The following NTM variants were observed in gnomAD, a reference collection of about 807,000 sequenced individuals.
NTM encodes the protein IgLON family member 2.
A neutral mutation model predicts 42.1 loss-of-function variants in NTM; 13 were observed. The ratio of observed to expected loss-of-function variants is 0.31; its 90% CI spans 0.20 to 0.49. NTM has a LOEUF of 0.49. Among genes scored for constraint, NTM ranks in the 20% least tolerant of loss-of-function variants. NTM has a pLI of 0.99. For missense variants in NTM, 373 were observed against 452.8 expected (o/e 0.82, Z 1.60); for synonymous variants, 187 against 179.2 (o/e 1.04, Z -0.35).
intron 1 of NTM, among the ~76,000 whole-genome samples, chr11:131,813,453 G>A (rs922349511): frequency 1.4e-4 from 21 of 152,110 alleles, no homozygotes; most frequent in African/African-American, 4.6e-4. Context: ...ATCATAGATG[G>A]AGCTCCTGTA....
intron 2 of NTM, among the ~76,000 whole-genome samples, chr11:132,088,112 A>G (rs930409037): frequency 5.9e-5 from 9 of 152,334 alleles, no homozygotes; most frequent in African/African-American, 2.2e-4. Context: ...GGCCATTGGG[A>G]TGGTGGTGGA....
intron 1 of NTM, among the ~76,000 whole-genome samples, chr11:131,381,874 G>T (rs774397505): frequency 9.2e-5 from 14 of 152,142 alleles, no homozygotes; most frequent in Non-Finnish European, 1.9e-4. Context: ...TCAGAATAGG[G>T]CAAGTTCATC....
intron 1 of NTM, among the ~76,000 whole-genome samples, chr11:131,560,839 A>C (rs1024933097): frequency 6.6e-6 from 1 of 152,156 alleles, no homozygotes; most frequent in African/African-American, 2.4e-5. Flanking sequence ...ACTACTCATA[A>C]ATATGAAGTT....
intron 1 of NTM, among the ~76,000 whole-genome samples, chr11:131,765,125 C>T (rs933536648): frequency 6.6e-6 from 1 of 152,124 alleles, no homozygotes; most frequent in African/African-American, 2.4e-5. Context: ...GTATGAGAGC[C>T]GTCCTCCTGG....
At chr11:131,649,820 T>C (rs1462122677) in intron 1 of NTM, among the ~76,000 whole-genome samples, 1 of 152,184 alleles carries the variant, frequency 6.6e-6, no homozygotes, top group African/African-American at 2.4e-5. Flanking sequence ...TGAACACTTC[T>C]TGTATGCTAG....
intron 2 of NTM, among the ~76,000 whole-genome samples, chr11:131,952,488 TG>T (rs1462048641): frequency 6.6e-6 from 1 of 152,238 alleles, no homozygotes; most frequent in Non-Finnish European, 1.5e-5. Flanking sequence ...TACATACTTA[TG>T]GGCATTTTAA....
intron 2 of NTM, among the ~76,000 whole-genome samples, chr11:132,088,740 G>A (rs2060042056): frequency 6.6e-6 from 1 of 152,190 alleles, no homozygotes. Context: ...CCATGGGCAT[G>A]TTTAGGCAAG....
intron 2 of NTM, among the ~76,000 whole-genome samples, chr11:131,965,822 C>G (rs1269971099): frequency 6.6e-6 from 1 of 151,784 alleles, no homozygotes; most frequent in African/African-American, 2.4e-5. Flanking sequence ...TCTGAGTTTT[C>G]AAATCTGCCA....
At chr11:131,403,432 A>G (rs1220381422) in intron 1 of NTM, among the ~76,000 whole-genome samples, 1 of 152,038 alleles carries the variant, frequency 6.6e-6, no homozygotes, top group African/African-American at 2.4e-5. Context: ...TCTGGCAAAA[A>G]TCTCAAGTCT....
chr11:131,440,716 G>C (rs373324380), intron 1 of NTM, among the ~76,000 whole-genome samples: 3 of 150,620 alleles, frequency 2.0e-5, no homozygotes, highest in South Asian at 4.2e-4. Context: ...AAGCAGTTTA[G>C]CTCTCAGGTT....
intron 1 of NTM, among the ~76,000 whole-genome samples, chr11:131,651,488 G>A (rs1050267812): frequency 6.6e-6 from 1 of 152,154 alleles, no homozygotes; most frequent in African/African-American, 2.4e-5. Flanking sequence ...TAGGATTCTT[G>A]GTCATACATT....
At position 132,248,614 on chromosome 11, in the gene NTM, C is replaced by T. The variant is rs374807004; in HGVS notation, c.526+36467C>T. On this transcript the variant is annotated intron_variant, in intron 4 of 8. Coordinates refer to ENST00000683400, the MANE Select transcript of NTM (RefSeq NM_001352005.2). ...GTTTGTTCTTTCTGAAAGAAGACATCGGAAGCCAAGGTCTGGAAGTGCCCC... is the reference window on the plus strand; with the variant it reads ...GTTTGTTCTTTCTGAAAGAAGACATTGGAAGCCAAGGTCTGGAAGTGCCCC... Among the ~76,000 whole-genome samples the T allele has an allele frequency of 1.3e-4, 20 of 152,264 alleles. 1 individual carries two copies. Among genetic ancestry groups the T allele is most frequent in the African/African-American group, 4.1e-4 (17 of 41,570 alleles).
At chr11:131,832,763 G>A (rs2042979721) in intron 1 of NTM, among the ~76,000 whole-genome samples, 1 of 152,112 alleles carries the variant, frequency 6.6e-6, no homozygotes, top group South Asian at 2.1e-4. Flanking sequence ...ATAAACTGAG[G>A]GAAGGTGTAT....
At chr11:132,189,473 A>G (rs572570517) in intron 3 of NTM, among the ~76,000 whole-genome samples, 7 of 152,300 alleles carry the variant, frequency 4.6e-5, no homozygotes, top group African/African-American at 1.4e-4. Flanking sequence ...CTTCTCAGTA[A>G]AGAAGAGCTG....
At chr11:131,864,420 A>G (rs1355160014) in intron 1 of NTM, among the ~76,000 whole-genome samples, 2 of 152,204 alleles carry the variant, frequency 1.3e-5, no homozygotes, top group Non-Finnish European at 2.9e-5. Flanking sequence ...ACTGGTTTCA[A>G]TTAAGACTAT....
intron 4 of NTM, among the ~76,000 whole-genome samples, chr11:132,217,649 C>T (rs2084184502): frequency 6.6e-6 from 1 of 152,024 alleles, no homozygotes; most frequent in Admixed American, 6.6e-5. Context: ...GCGTGGCCTA[C>T]TCTCCATACC....
chr11:131,500,841 T>C (rs1012716464), intron 1 of NTM, among the ~76,000 whole-genome samples: 1 of 149,782 alleles, frequency 6.7e-6, no homozygotes, highest in Admixed American at 6.7e-5. Flanking sequence ...ATGCGGTGTT[T>C]GGTTTTTTGT....
chr11:132,111,742 C>T (rs2063229153), intron 2 of NTM, among the ~76,000 whole-genome samples: 1 of 152,204 alleles, frequency 6.6e-6, no homozygotes, highest in South Asian at 2.1e-4. Context: ...TTCATCGCAC[C>T]AAATGACTTC....
At chr11:131,693,979 C>T (rs2075114013) in intron 1 of NTM, among the ~76,000 whole-genome samples, 4 of 152,196 alleles carry the variant, frequency 2.6e-5, no homozygotes, top group Non-Finnish European at 5.9e-5. Context: ...AGACTTGTGT[C>T]ACTAGGAGAG....
Sources: allele counts gnomAD v4.1 joint callset (sites outside exome capture counted in the v4.1 genomes callset), GRCh38; gene constraint gnomAD v4.1.1; transcripts MANE v1.5; gene names NCBI Gene and HGNC (gene_info 2026-07-23, HGNC 2026-07-21).